Variants in ST7 observed in about 807,000 individuals in gnomAD.
ST7 encodes suppressor of tumorigenicity 7 protein.
A neutral mutation model predicts 78.7 loss-of-function variants in ST7; 28 were observed. That is an observed-to-expected ratio of 0.36 (90% CI 0.26 to 0.49). The LOEUF is 0.49. Ranked by LOEUF, ST7 falls within the 20% of genes least tolerant of loss-of-function variation. The probability of loss-of-function intolerance (pLI) is 0.99; values close to 1 mark genes in which losing one functional copy is unlikely to be tolerated. For missense variants in ST7, 418 were observed against 696.0 expected, an observed-to-expected ratio of 0.60 and a Z score of 4.49; for synonymous variants, 247 against 249.6, an observed-to-expected ratio of 0.99 and a Z score of 0.10.
chr7:117,216,284 A>G (rs1336279748), intron 13 of ST7, among the ~76,000 whole-genome samples: 3 of 152,198 alleles, frequency 2.0e-5, no homozygotes, highest in African/African-American at 7.2e-5. Context: ...AGGGGAAGGG[A>G]TGGCACACAG....
chr7:117,046,108 G>T (rs1797479425), intron 1 of ST7, among the ~76,000 whole-genome samples: 2 of 152,158 alleles, frequency 1.3e-5, no homozygotes, highest in Admixed American at 6.5e-5. Flanking sequence ...CTGAAAACCA[G>T]CTTCCCTGTA....
At chr7:116,978,390 AGAG>A (rs2116310345) in intron 1 of ST7, among the ~76,000 whole-genome samples, 1 of 152,348 alleles carries the variant, frequency 6.6e-6, no homozygotes, top group African/African-American at 2.4e-5. Flanking sequence ...GAAAGACAAC[AGAG>A]GAGATCAAAG....
At chr7:117,223,103 C>T in intron 15 of ST7, 1 of 685,002 alleles carries the variant, frequency 1.5e-6, no homozygotes, top group South Asian at 1.7e-5. Context: ...CCCTCTCTCA[C>T]TCCCCACATC....
chr7:116,969,065 A>G (rs544159206), intron 1 of ST7, among the ~76,000 whole-genome samples: 2 of 152,374 alleles, frequency 1.3e-5, no homozygotes, highest in East Asian at 3.9e-4. Flanking sequence ...TTTCGCCACA[A>G]GTGTTCATAT....
At chr7:116,965,110 C>T (rs946729838) in intron 1 of ST7, among the ~76,000 whole-genome samples, 3 of 152,026 alleles carry the variant, frequency 2.0e-5, no homozygotes, top group African/African-American at 7.2e-5. Context: ...GAGGCCGAGG[C>T]GGGCAGATCA....
chr7:117,180,502 C>T (rs1022799520), intron 10 of ST7, among the ~76,000 whole-genome samples: 7 of 151,716 alleles, frequency 4.6e-5, no homozygotes, highest in African/African-American at 7.3e-5. Context: ...TAATTCTTAC[C>T]GAAAAGGAAG....
intron 9 of ST7, among the ~76,000 whole-genome samples, chr7:117,163,223 G>C (rs1279666484): frequency 1.3e-5 from 2 of 152,158 alleles, no homozygotes; most frequent in African/African-American, 2.4e-5. Context: ...ATTGTGAATA[G>C]TGCTGTAGTA....
intron 1 of ST7, among the ~76,000 whole-genome samples, chr7:117,010,524 T>C (rs1291883483): frequency 1.3e-5 from 2 of 152,170 alleles, no homozygotes; most frequent in Admixed American, 1.3e-4. Flanking sequence ...GTAAGAGGCC[T>C]GGGAGAGCAG....
chr7:116,990,206 G>T (rs1178452271), intron 1 of ST7, among the ~76,000 whole-genome samples: 1 of 152,166 alleles, frequency 6.6e-6, no homozygotes, highest in Non-Finnish European at 1.5e-5. Context: ...AAAGTGCTGA[G>T]ATTACAGGTG....
chr7:117,079,133 GT>G (rs1023052543), intron 1 of ST7, among the ~76,000 whole-genome samples: 5 of 152,122 alleles, frequency 3.3e-5, no homozygotes, highest in African/African-American at 9.7e-5. Context: ...GATAGCATTT[GT>G]TTTTTACTCA....
chr7:117,168,400 G>C (rs1807728548), intron 9 of ST7, among the ~76,000 whole-genome samples: 1 of 152,080 alleles, frequency 6.6e-6, no homozygotes, highest in African/African-American at 2.4e-5. Flanking sequence ...CTGAAGAATT[G>C]GCTGAAAACA....
At chr7:117,124,133 G>T (rs1209104387) in intron 3 of ST7, among the ~76,000 whole-genome samples, 2 of 152,146 alleles carry the variant, frequency 1.3e-5, no homozygotes, top group Non-Finnish European at 2.9e-5. Flanking sequence ...CAATGGCGAT[G>T]TAGAAATTTA....
chr7:117,177,760 G>C (rs117144407), intron 10 of ST7, among the ~76,000 whole-genome samples: 1 of 152,066 alleles, frequency 6.6e-6, no homozygotes, highest in African/African-American at 2.4e-5. Flanking sequence ...TTTTCCCTTT[G>C]GTTGGAAGGG....
intron 1 of ST7, among the ~76,000 whole-genome samples, chr7:117,010,111 CA>C (rs1309071382): frequency 1.3e-5 from 2 of 152,190 alleles, no homozygotes; most frequent in Non-Finnish European, 2.9e-5. Context: ...AAGTAACTGA[CA>C]ATTTCTCAGA....
chr7:117,159,396 A>T (rs2402156), intron 9 of ST7, among the ~76,000 whole-genome samples: 18,318 of 152,170 alleles, frequency 0.12, 1,988 homozygotes, highest in African/African-American at 0.29. Flanking sequence ...CAGGAGAGTT[A>T]GCGTTTTCAC....
intron 1 of ST7, among the ~76,000 whole-genome samples, chr7:117,001,527 T>C (rs1177417551): frequency 3.3e-5 from 5 of 152,128 alleles, no homozygotes. Flanking sequence ...GGTGATAAAA[T>C]TGCAGGATCA....
rs571815027 is a variant in ST7, at chr7:117,088,793, C to T, written c.152-10969C>T. On this transcript the variant is annotated intron_variant, in intron 1 of 15. Coordinates refer to ENST00000323984, the MANE Select transcript of ST7 (RefSeq NM_001369598.1). Reference sequence around the variant, plus strand: ...CCTTTGGAGTACTCCAGTATGAAGACAAGAACAAATGGGAGTGTCCTTTTA... The same window carrying T: ...CCTTTGGAGTACTCCAGTATGAAGATAAGAACAAATGGGAGTGTCCTTTTA... Among the ~76,000 whole-genome samples the T allele has an allele frequency of 3.9e-5, 6 of 152,244 alleles. No individual in the cohort carries two copies. The South Asian group carries it at 1.0e-3, about 26-fold the overall frequency.
intron 1 of ST7, among the ~76,000 whole-genome samples, chr7:116,965,048 T>G (rs1002943897): frequency 6.6e-6 from 1 of 152,086 alleles, no homozygotes; most frequent in Non-Finnish European, 1.5e-5. Context: ...TATAGAAATA[T>G]TCCATGGACG....
intron 1 of ST7, among the ~76,000 whole-genome samples, chr7:117,063,491 T>C (rs1798462068): frequency 6.6e-6 from 1 of 152,160 alleles, no homozygotes; most frequent in South Asian, 2.1e-4. Flanking sequence ...GGCAGATGAC[T>C]TGAGTCCAGG....
Sources: allele counts gnomAD v4.1 joint callset (sites outside exome capture counted in the v4.1 genomes callset), GRCh38; gene constraint gnomAD v4.1.1; transcripts MANE v1.5; gene names NCBI Gene and HGNC (gene_info 2026-07-23, HGNC 2026-07-21).